The following NMI variants were observed in gnomAD, a reference collection of about 807,000 sequenced individuals.
NMI encodes the protein N-myc-interactor.
Under a neutral mutation model 34.3 loss-of-function variants are expected in NMI, and 39 were observed. The observed-to-expected ratio is 1.14, with a 90% CI of 0.88 to 1.49. The LOEUF (loss-of-function observed/expected upper bound fraction) is 1.49, where lower values mean the gene tolerates loss of function less well. Among genes scored for constraint, NMI ranks in the 40% most tolerant of loss-of-function variants. NMI has a pLI of 0.00. For missense variants in NMI, 339 were observed against 358.1 expected, an observed-to-expected ratio of 0.95 and a Z score of 0.43; for synonymous variants, 113 against 120.3, an observed-to-expected ratio of 0.94 and a Z score of 0.40.
chr2:151,271,611 C>G lies in NMI; in HGVS notation c.741+15G>C. 1 of 1,291,228 alleles carries G rather than the reference C, an allele frequency of 7.7e-7. No individual in the cohort carries two copies. Among genetic ancestry groups the G allele is most frequent in the Non-Finnish European group, 1.1e-6 (1 of 890,162 alleles). The allele number at this position is 1,291,228 out of a possible 1,614,324, so 80.0% of individuals were successfully genotyped here. On this transcript the variant is annotated intron_variant, in intron 7 of 7. Transcript: ENST00000243346. The stretch of plus-strand genomic sequence containing the variant: ...GCAGTGAGTTCTGAAAATGAGAGAA[C>G]AGAGATGACTTTACCTGATACTTTT...
chr2:151,281,317 TA>T (rs2105208823), intron 3 of NMI, among the ~76,000 whole-genome samples: 1 of 152,334 alleles, frequency 6.6e-6, no homozygotes, highest in East Asian at 1.9e-4. Flanking sequence ...AGAAGAATTA[TA>T]AAAGAACTCA....
chr2:151,283,428 A>C (rs1052973919), intron 1 of NMI, among the ~76,000 whole-genome samples: 2 of 152,120 alleles, frequency 1.3e-5, no homozygotes, highest in Non-Finnish European at 1.5e-5. Flanking sequence ...CGTGAGCCAC[A>C]GCACCTGGCC....
intron 6 of NMI, among the ~76,000 whole-genome samples, chr2:151,272,169 G>A (rs1349565082): frequency 7.9e-5 from 12 of 152,270 alleles, no homozygotes; most frequent in Non-Finnish European, 7.4e-5. Flanking sequence ...AAGTAATGAT[G>A]TTAACCAAAG....
intron 7 of NMI, among the ~76,000 whole-genome samples, chr2:151,271,369 C>G (rs140579746): frequency 9.5e-4 from 145 of 152,196 alleles, no homozygotes; most frequent in African/African-American, 3.3e-3. Flanking sequence ...AACTATGTCT[C>G]CATGTACAAA....
chr2:151,282,579 G>A (rs1017352842), intron 2 of NMI, among the ~76,000 whole-genome samples: 1 of 152,084 alleles, frequency 6.6e-6, no homozygotes, highest in Non-Finnish European at 1.5e-5. Flanking sequence ...TCCCTCTTGG[G>A]GTCTAATGAG....
In NMI at chr2:151,270,621, G is replaced by T; in HGVS notation, c.*72C>A. On this transcript the variant is annotated 3_prime_UTR_variant, in exon 8 of 8. Transcript: ENST00000243346. ...TAAAGTTTTCATTTTTTAAGGAAAA[G>T]CATATTCATTTTTGTCAAACATTTA... 1 of 1,220,988 alleles carries T rather than the reference G, an allele frequency of 8.2e-7. No individual in the cohort carries two copies. The highest frequency in any genetic ancestry group is 1.2e-6 in the Non-Finnish European group (1 of 867,886). 75.6% of individuals were successfully genotyped at this position (1,220,988 alleles called of 1,614,324 possible).
At chr2:151,279,142 T>G in intron 3 of NMI, 152 bp from the exon 4 acceptor site, 1 of 579,118 alleles carries the variant, frequency 1.7e-6, no homozygotes, top group Non-Finnish European at 3.0e-6. Flanking sequence ...ACATTTTTAG[T>G]AATTGCTTTT....
At chr2:151,279,083 T>C in intron 3 of NMI, 93 bp from the exon 4 acceptor site, 1 of 792,670 alleles carries the variant, frequency 1.3e-6, no homozygotes. Flanking sequence ...AATAATTCAT[T>C]CCCCACTAAT....
At chr2:151,275,904 T>TTTTAAGAATTGTTATGCTTTTGG (rs2105204622) in intron 4 of NMI, 40 bp from the exon 5 acceptor site, 2 of 1,259,526 alleles carry the variant, frequency 1.6e-6, no homozygotes, top group East Asian at 4.7e-5. Context: ...ATTTCCAATA[T>TTTTAAGAATTGTTATGCTTTTGG]TTTAAGAATT....
intron 6 of NMI, 85 bp from the exon 7 acceptor site, chr2:151,271,817 C>G: frequency 1.5e-6 from 1 of 678,962 alleles, no homozygotes; most frequent in Non-Finnish European, 2.6e-6. Context: ...AAAGAGAACA[C>G]TATTACAGTA....
intron 6 of NMI, among the ~76,000 whole-genome samples, chr2:151,272,683 C>G (rs1056032089): frequency 6.6e-6 from 1 of 152,056 alleles, no homozygotes; most frequent in African/African-American, 2.4e-5. Context: ...AAGCATCCAC[C>G]AACAGATGAA....
Position 151,275,473 on chromosome 2 carries a change from C to G in NMI, c.634+11G>C, listed in dbSNP as rs1193359376. The G allele has an allele frequency of 6.2e-7, 1 of 1,611,658 alleles. No homozygotes were observed. The highest frequency in any genetic ancestry group is 1.7e-5 in the Admixed American group (1 of 59,962). On this transcript the variant is annotated intron_variant, in intron 6 of 7. Transcript: ENST00000243346. Reference sequence around the variant, plus strand: ...GCAGAGTGTCTGTTAACCTTCTACACCCTTGAGTACCTCCAATCTCCACAA... The same window carrying G: ...GCAGAGTGTCTGTTAACCTTCTACAGCCTTGAGTACCTCCAATCTCCACAA...
At chr2:151,284,619 G>A (rs1296330223) in intron 1 of NMI, among the ~76,000 whole-genome samples, 3 of 150,590 alleles carry the variant, frequency 2.0e-5, no homozygotes, top group Non-Finnish European at 4.4e-5. Flanking sequence ...TTTTTTTTTT[G>A]GAGAAAGGCC....
intron 3 of NMI, among the ~76,000 whole-genome samples, chr2:151,281,173 G>GA (rs908202883): frequency 5.3e-5 from 8 of 151,572 alleles, no homozygotes; most frequent in South Asian, 2.1e-4. Flanking sequence ...GAGTTGTTAA[G>GA]AAAAAAAATG....
intron 3 of NMI, among the ~76,000 whole-genome samples, chr2:151,280,919 C>G (rs1004544869): frequency 2.0e-5 from 3 of 151,498 alleles, no homozygotes; most frequent in Non-Finnish European, 4.4e-5. Flanking sequence ...CTCAGCTCAT[C>G]GCGACCTCCG....
Position 151,270,787 on chromosome 2 carries a change from T to C in NMI, c.830A>G (p.Asn277Ser). The C allele has an allele frequency of 2.5e-6, 4 of 1,613,934 alleles. No individual in the cohort carries two copies. In the South Asian group the frequency reaches 3.3e-5, roughly 13 times the overall value. ...ATTCTTTGCCCGTTGAAAGTGAATG[T>C]TAATTAAATCCTCCACAATTTCTTC... ...MDEEIVEDLI[N>S]IHFQRAKNGG... is the part of the protein sequence containing the mutation. Residue 277 changes from asparagine to serine, a missense_variant, in exon 8 of 8, where the codon AAC becomes AGC. Physicochemically the swap from Asn to Ser is conservative, Grantham distance 46. Coordinates refer to ENST00000243346, the MANE Select transcript of NMI (RefSeq NM_004688.3).
chr2:151,281,914 A>C (rs1282369371), intron 3 of NMI, 34 bp downstream of exon 3: 2 of 1,060,404 alleles, frequency 1.9e-6, no homozygotes, highest in South Asian at 1.4e-5. Flanking sequence ...TGCATCCATC[A>C]AAAATGTAGT....
intron 1 of NMI, among the ~76,000 whole-genome samples, chr2:151,284,791 T>C (rs1446941405): frequency 1.3e-5 from 2 of 152,220 alleles, no homozygotes; most frequent in African/African-American, 4.8e-5. Context: ...CAGTCTGCCA[T>C]ATAATTTTCC....
chr2:151,276,255 T>G (rs548911720), intron 4 of NMI, among the ~76,000 whole-genome samples: 27 of 152,250 alleles, frequency 1.8e-4, no homozygotes, highest in African/African-American at 6.5e-4. Context: ...GCTCTCACTT[T>G]GTTACCCAGG....
Sources: gnomAD v4.1 joint callset for allele counts (sites outside exome capture counted in the v4.1 genomes callset) on GRCh38, gnomAD v4.1.1 for gene constraint, MANE v1.5 for transcripts, NCBI Gene and HGNC (gene_info 2026-07-23, HGNC 2026-07-21) for gene names.